PLG: variants seen among roughly 807,000 people sequenced by gnomAD.
PLG encodes plasmin.
Under a neutral mutation model 104.4 loss-of-function variants are expected in PLG, and 41 were observed. The ratio of observed to expected loss-of-function variants is 0.39; its 90% CI spans 0.31 to 0.51. The LOEUF (loss-of-function observed/expected upper bound fraction) is 0.51, where lower values mean the gene tolerates loss of function less well. Ranked by LOEUF, PLG falls within the 20% of genes least tolerant of loss-of-function variation. The pLI, the probability that PLG is intolerant of heterozygous loss-of-function variation, is 0.76. For missense variants in PLG, 891 were observed against 1,003.6 expected (o/e 0.89, Z 1.52); for synonymous variants, 337 against 357.1 (o/e 0.94, Z 0.63).
chr6:160,735,320 C>A lies in PLG; in HGVS notation c.1681+1232C>A, dbSNP rs1778070059. On this transcript the variant is annotated intron_variant, in intron 13 of 18. Transcript: ENST00000308192. This position sits in a 1 kb window ranked among gnomAD's most constrained non-coding sequence, Gnocchi z 5.4. ...AGTTGAGCCCAGACTGATTTTCTTGCCTCAGACCCCACTACCGTGCCTGGG... is the reference window on the plus strand; with the variant it reads ...AGTTGAGCCCAGACTGATTTTCTTGACTCAGACCCCACTACCGTGCCTGGG... Among the ~76,000 whole-genome samples the A allele has an allele frequency of 1.3e-5, 2 of 152,120 alleles. No homozygotes were observed. Among genetic ancestry groups the A allele is most frequent in the Admixed American group, 1.3e-4 (2 of 15,260 alleles).
chr6:160,722,298 G>T, intron 9 of PLG, 110 bp from the exon 10 acceptor site: 1 of 736,824 alleles, frequency 1.4e-6, no homozygotes, highest in South Asian at 1.5e-5. Context: ...ATACAGAAAA[G>T]AGAACAGTCA....
rs899436796 is a variant in PLG, at chr6:160,723,044, CATAT to C, written c.1256+481_1256+484del. 2.1e-5 allele frequency among the ~76,000 whole-genome samples: 3 copies of C among 145,062 alleles called. No individual in the cohort carries two copies. The highest frequency in any genetic ancestry group is 2.1e-4 in the South Asian group (1 of 4,766). ...ACATATATATGTATACATATGTGTG[CATAT>C]ATAAATACACACATATATGAGATAT... On this transcript the variant is annotated intron_variant, in intron 10 of 18. Transcript: ENST00000308192. The surrounding 1 kb of genome is among the most constrained non-coding windows in gnomAD (Gnocchi z 4.7).
In PLG at chr6:160,738,962, T is replaced by C; in HGVS notation, c.1878-106T>C. 1 of 1,352,980 alleles carries C rather than the reference T, an allele frequency of 7.4e-7. No homozygotes were observed. Among genetic ancestry groups the C allele is most frequent in the Non-Finnish European group, 1.1e-6 (1 of 945,118 alleles). 83.8% of individuals were successfully genotyped at this position (1,352,980 alleles called of 1,614,324 possible). ...CTTCTTGCCACTCAGAAGTCACTAA[T>C]TCTGAGTGGCCAAGGGTGTCAGGGA... On this transcript the variant is annotated intron_variant, in intron 15 of 18. Transcript: ENST00000308192. This position sits in a 1 kb window ranked among gnomAD's most constrained non-coding sequence, Gnocchi z 6.8.
At chr6:160,742,381 T>G (rs1778209736) in intron 17 of PLG, among the ~76,000 whole-genome samples, 2 of 152,248 alleles carry the variant, frequency 1.3e-5, no homozygotes, top group Admixed American at 6.5e-5. Context: ...ATTGTGGTTT[T>G]GATTTGCATT....
chr6:160,731,630 G>T lies in PLG; in HGVS notation c.1439-115G>T. 1 of 993,248 alleles carries T rather than the reference G, an allele frequency of 1.0e-6. No individual in the cohort carries two copies. Among genetic ancestry groups the T allele is most frequent in the Non-Finnish European group, 1.6e-6 (1 of 621,550 alleles). 61.5% of individuals were successfully genotyped at this position (993,248 alleles called of 1,614,324 possible). ...TGCAGTCTTCAGCATTGCAGTTTCTGAGGAATGTGGCCCCTGATTCTGTCA... is the reference window on the plus strand; with the variant it reads ...TGCAGTCTTCAGCATTGCAGTTTCTTAGGAATGTGGCCCCTGATTCTGTCA... On this transcript the variant is annotated intron_variant, in intron 11 of 18. Transcript: ENST00000308192. The surrounding 1 kb of genome is among the most constrained non-coding windows in gnomAD (Gnocchi z 5.1).
chr6:160,746,763 T>G (rs1582951866), intron 17 of PLG, among the ~76,000 whole-genome samples: 1 of 152,152 alleles, frequency 6.6e-6, no homozygotes, highest in African/African-American at 2.4e-5. Context: ...AATAGACTTG[T>G]TCTTTGGATG....
At chr6:160,713,242 G>A (rs1231556101) in intron 5 of PLG, 117 bp downstream of exon 5, 17 of 873,660 alleles carry the variant, frequency 1.9e-5, no homozygotes, top group South Asian at 6.7e-5. Context: ...TTCACCTCTC[G>A]GAAAGAAGCA....
At chr6:160,714,079 C>T (rs3757019) in intron 5 of PLG, among the ~76,000 whole-genome samples, 53,935 of 152,010 alleles carry the variant, frequency 0.35, 10,005 homozygotes, top group East Asian at 0.45. Flanking sequence ...CCCTTAAGCA[C>T]CACCAATGCA....
chr6:160,748,404 G>GAAAGAAAGAAAGAAAGAAAGAA (rs1554252976), intron 17 of PLG, among the ~76,000 whole-genome samples: 3 of 59,964 alleles, frequency 5.0e-5, no homozygotes, highest in Non-Finnish European at 6.3e-5. Context: ...AAGAAAGGAA[G>GAAAGAAAGAAAGAAAGAAAGAA]AAAGAAAGAA....
rs1279607731 is a variant in PLG, at chr6:160,753,549, T to G, written c.*488T>G. 3.3e-5 allele frequency among the ~76,000 whole-genome samples: 5 copies of G among 152,116 alleles called. No individual in the cohort carries two copies. Among genetic ancestry groups the G allele is most frequent in the Non-Finnish European group, 7.4e-5 (5 of 68,014 alleles). On this transcript the variant is annotated 3_prime_UTR_variant, in exon 19 of 19. Transcript: ENST00000308192. The surrounding 1 kb of genome is among the most constrained non-coding windows in gnomAD (Gnocchi z 5.4). ...AATGTTTTCAAAGCTGCAACATGTA[T>G]GGGGAGTCATGCAAACCGATTCTGT...
chr6:160,705,363 C>G (rs1175002380), intron 1 of PLG: 1 of 151,560 alleles, frequency 6.6e-6, no homozygotes, highest in Non-Finnish European at 1.5e-5. Flanking sequence ...AGGCAGAAAG[C>G]AGCTTTCGGA....
In PLG at chr6:160,738,804, C is replaced by T. The variant is rs778414944; in HGVS notation, c.1877+192C>T. On this transcript the variant is annotated intron_variant, in intron 15 of 18. Coordinates refer to ENST00000308192, the MANE Select transcript of PLG (RefSeq NM_000301.5). This position sits in a 1 kb window ranked among gnomAD's most constrained non-coding sequence, Gnocchi z 6.8. ...AGAAAGAAACTGCAGAGGAAAGACACAGTACAGATGATTTTGTGGGCCTGA... is the reference window on the plus strand; with the variant it reads ...AGAAAGAAACTGCAGAGGAAAGACATAGTACAGATGATTTTGTGGGCCTGA... Among the ~76,000 whole-genome samples, 1 of 152,124 alleles carries T rather than the reference C, an allele frequency of 6.6e-6. No homozygotes were observed. The highest frequency in any genetic ancestry group is 2.4e-5 in the African/African-American group (1 of 41,416).
Position 160,722,614 on chromosome 6 carries a change from T to A in PLG, c.1256+47T>A, listed in dbSNP as rs374260556. 60 of 1,573,980 alleles carry A rather than the reference T, an allele frequency of 3.8e-5. No homozygotes were observed. In the Middle Eastern group the frequency reaches 1.2e-3, roughly 31 times the overall value. ...TAAGAGGGGCATCAGCCAACTGAAA[T>A]TTCTGTTAAAAGAGCCATGCTTCAT... is the stretch of plus-strand genomic sequence containing the variant. On this transcript the variant is annotated intron_variant, in intron 10 of 18. Coordinates refer to ENST00000308192, the MANE Select transcript of PLG (RefSeq NM_000301.5).
At chr6:160,713,257 C>A in intron 5 of PLG, 132 bp downstream of exon 5, 1 of 801,882 alleles carries the variant, frequency 1.2e-6, no homozygotes, top group Non-Finnish European at 2.1e-6. Context: ...GAAGCAAAAC[C>A]CCAGAATTAA....
chr6:160,718,729 A>G lies in PLG; in HGVS notation c.987A>G (p.Gly329=), dbSNP rs1316324935. 5 of 1,613,422 alleles carry G rather than the reference A, an allele frequency of 3.1e-6. No individual in the cohort carries two copies. The highest frequency in any genetic ancestry group is 2.7e-5 in the African/African-American group (2 of 74,880). ...AAAACTACTGCCGCAATCCTGACGG[A>G]AAAAGGGCCCCATGGTGCCATACAA... ...LDENYCRNPD[G]KRAPWCHTTN... is the part of the protein sequence containing the mutation. The change falls in exon 9 of 19, where the codon GGA becomes GGG. Residue 329 remains glycine (G), a synonymous_variant. Transcript: ENST00000308192.
At chr6:160,706,296 GAA>G (rs369043463) in intron 1 of PLG, 109 bp from the exon 2 acceptor site, 2 of 922,884 alleles carry the variant, frequency 2.2e-6, no homozygotes, top group Non-Finnish European at 2.9e-6. Flanking sequence ...CCAGTAAACA[GAA>G]AGTTTTATTT....
chr6:160,748,162 G>T (rs150196478), intron 17 of PLG, among the ~76,000 whole-genome samples: 1 of 151,138 alleles, frequency 6.6e-6, no homozygotes, highest in Non-Finnish European at 1.5e-5. Flanking sequence ...AAAATTAGCC[G>T]GGTGTGGTAG....
chr6:160,706,679 T>G (rs1358197263), intron 2 of PLG, 137 bp downstream of exon 2: 10 of 840,602 alleles, frequency 1.2e-5, no homozygotes, highest in African/African-American at 1.7e-5. Context: ...GCTCACAGTA[T>G]GTGAAGCCAT....
rs747105638 is a variant in PLG, at chr6:160,706,434, T to A, written c.77T>A (p.Val26Glu). 6.2e-7 allele frequency: 1 copy of A among 1,613,560 alleles called. No individual in the cohort carries two copies. The highest frequency in any genetic ancestry group is 8.5e-7 in the Non-Finnish European group (1 of 1,179,670). The change falls in exon 2 of 19, where the codon GTG (valine) becomes GAG (glutamate). Residue 26 changes from valine (V) to glutamate (E), a missense_variant. Physicochemically the swap from Val to Glu is moderately radical, Grantham distance 121. This residue lies in a region of PLG where 854 missense variants were observed against 932.1 expected (regional missense o/e 0.92). Transcript: ENST00000308192. Reference protein sequence around the residue: ...SGQGEPLDDYVNTQGASLFSV... With the variant: ...SGQGEPLDDYENTQGASLFSV... ...CAAGGAGAGCCTCTGGATGACTATG[T>A]GAATACCCAGGGGGCTTCACTGTTC...
Sources: allele counts gnomAD v4.1 joint callset (sites outside exome capture counted in the v4.1 genomes callset), GRCh38; gene constraint gnomAD v4.1.1; regional missense constraint gnomAD v4.1.1; non-coding constraint Gnocchi (gnomAD v3.1); transcripts MANE v1.5; gene names NCBI Gene and HGNC (gene_info 2026-07-23, HGNC 2026-07-21).